The following KIAA1328 variants were observed in gnomAD, a reference collection of about 807,000 sequenced individuals.
KIAA1328 encodes the protein protein hinderin.
In KIAA1328, 52 loss-of-function variants were observed where a neutral mutation model predicts 68.1. That is an observed-to-expected ratio of 0.76 (90% CI 0.61 to 0.96). The LOEUF (loss-of-function observed/expected upper bound fraction) is 0.96, where lower values mean the gene tolerates loss of function less well. Ranked by LOEUF, KIAA1328 falls within the 40% of genes least tolerant of loss-of-function variation. The pLI is 0.00. For synonymous variants in KIAA1328, 232 were observed against 239.4 expected (o/e 0.97, Z 0.28); for missense variants, 641 against 677.6 (o/e 0.95, Z 0.60).
chr18:36,844,601 G>C (rs1378727763), intron 4 of KIAA1328, among the ~76,000 whole-genome samples: 1 of 151,926 alleles, frequency 6.6e-6, no homozygotes, highest in African/African-American at 2.4e-5. Flanking sequence ...GTTGAAGTAG[G>C]TTGATATTGT....
chr18:36,835,877 C>G (rs1323222876), intron 3 of KIAA1328, among the ~76,000 whole-genome samples: 2 of 152,084 alleles, frequency 1.3e-5, no homozygotes, highest in Admixed American at 1.3e-4. Flanking sequence ...CAGAGTTGTT[C>G]AATACCACTT....
downstream of KIAA1328, among the ~76,000 whole-genome samples, chr18:37,227,169 A>G (rs2586788): frequency 0.28 from 42,193 of 152,140 alleles, 9,398 homozygotes; most frequent in African/African-American, 0.62. Flanking sequence ...AGATGAAGTT[A>G]TAGATGAAAA....
chr18:37,210,639 C>T (rs2060298854), intron 9 of KIAA1328, among the ~76,000 whole-genome samples: 1 of 152,216 alleles, frequency 6.6e-6, no homozygotes, highest in Non-Finnish European at 1.5e-5. Context: ...ACTTTATAGT[C>T]TCCTATCACA....
At chr18:36,856,944 T>G (rs952302790) in intron 4 of KIAA1328, among the ~76,000 whole-genome samples, 2 of 152,210 alleles carry the variant, frequency 1.3e-5, no homozygotes, top group Non-Finnish European at 2.9e-5. Flanking sequence ...GTTATTTCAA[T>G]GTCAGCCAGT....
At chr18:36,841,647 A>G (rs974832317) in intron 3 of KIAA1328, among the ~76,000 whole-genome samples, 1 of 152,122 alleles carries the variant, frequency 6.6e-6, no homozygotes, top group Non-Finnish European at 1.5e-5. Flanking sequence ...AGGCTGTAAC[A>G]TCTGTCTCAA....
intron 6 of KIAA1328, among the ~76,000 whole-genome samples, chr18:36,983,037 A>G (rs2052760741): frequency 6.6e-6 from 1 of 152,000 alleles, no homozygotes; most frequent in Admixed American, 6.5e-5. Flanking sequence ...AAAAAAATTA[A>G]GAAAAGGTGG....
At chr18:37,230,195 T>C (rs1039539569), downstream of KIAA1328, 3 of 152,234 alleles carry the variant, frequency 2.0e-5, no homozygotes, top group African/African-American at 7.2e-5. Flanking sequence ...ACCAGGTCAT[T>C]ATATCATGTC....
rs147651578 is a variant in KIAA1328 at position 36,948,980 on chromosome 18, T to G, written c.449-10328T>G. Among the ~76,000 whole-genome samples the G allele has an allele frequency of 1.6e-3, 238 of 152,348 alleles. 1 individual carries two copies. In the South Asian group the frequency reaches 0.019, roughly 12 times the overall value. The stretch of plus-strand genomic sequence containing the variant: ...TCAGCCTTTTGGGGTCTGGAGAGCT[T>G]AGTGTGCAGACCATTTTCCATAGTC... On this transcript the variant is annotated intron_variant, in intron 5 of 9. Coordinates refer to ENST00000280020, the MANE Select transcript of KIAA1328 (RefSeq NM_020776.3).
At chr18:37,229,550 T>C (rs1308126771), downstream of KIAA1328, 1 of 1,274,786 alleles carries the variant, frequency 7.8e-7, no homozygotes. Flanking sequence ...ACTTCTTCCC[T>C]TCTCTTTCCT....
At chr18:37,193,686 C>T (rs2059950088) in intron 9 of KIAA1328, 1 of 700,684 alleles carries the variant, frequency 1.4e-6, no homozygotes. Context: ...ATGGAAGGAA[C>T]CTATTAAGGT....
intron 5 of KIAA1328, among the ~76,000 whole-genome samples, chr18:36,924,393 A>C (rs2050037551): frequency 6.6e-6 from 1 of 152,074 alleles, no homozygotes; most frequent in Non-Finnish European, 1.5e-5. Flanking sequence ...AGACATTTGA[A>C]TGCTATTTAG....
chr18:37,067,572 T>C (rs1479943829), intron 7 of KIAA1328, 27 bp downstream of exon 7: 1 of 1,459,068 alleles, frequency 6.9e-7, no homozygotes, highest in Non-Finnish European at 9.0e-7. Flanking sequence ...CTTTTTTTTT[T>C]TTTTTTGAGA....
chr18:37,156,509 T>A (rs1276119706), intron 7 of KIAA1328, among the ~76,000 whole-genome samples: 2 of 150,784 alleles, frequency 1.3e-5, no homozygotes, highest in Non-Finnish European at 2.9e-5. Flanking sequence ...ATAAAATAAG[T>A]CCTCTGTAAA....
chr18:36,899,367 A>G (rs912114012), intron 5 of KIAA1328, among the ~76,000 whole-genome samples: 1 of 151,948 alleles, frequency 6.6e-6, no homozygotes, highest in Non-Finnish European at 1.5e-5. Flanking sequence ...TCAGTAAATA[A>G]ATACATGTTA....
intron 5 of KIAA1328, among the ~76,000 whole-genome samples, chr18:36,956,832 G>A (rs1301935683): frequency 1.3e-5 from 2 of 152,194 alleles, no homozygotes; most frequent in African/African-American, 4.8e-5. Context: ...ATAGCTGGCA[G>A]AGACTCCTGG....
rs556681497 is a variant in KIAA1328, at chr18:37,121,968, T to C, written c.1233-38232T>C. Among the ~76,000 whole-genome samples the C allele has an allele frequency of 3.3e-5, 5 of 152,200 alleles. No homozygotes were observed. In the South Asian group the frequency reaches 1.0e-3, roughly 32 times the overall value. Reference sequence around the variant, plus strand: ...TTACAGAAAACTGAAACTGGTAGCCTCAAGGCTGAATCAGACTTACAGACA... The same window carrying C: ...TTACAGAAAACTGAAACTGGTAGCCCCAAGGCTGAATCAGACTTACAGACA... On this transcript the variant is annotated intron_variant, in intron 7 of 9. Coordinates refer to ENST00000280020, the MANE Select transcript of KIAA1328 (RefSeq NM_020776.3).
At chr18:37,141,036 T>A (rs1399091189) in intron 7 of KIAA1328, among the ~76,000 whole-genome samples, 3 of 152,176 alleles carry the variant, frequency 2.0e-5, no homozygotes, top group East Asian at 3.8e-4. Context: ...CTCAGTATAT[T>A]TAAAAGTTCT....
intron 7 of KIAA1328, among the ~76,000 whole-genome samples, chr18:37,097,967 T>A (rs988986124): frequency 6.6e-6 from 1 of 152,162 alleles, no homozygotes; most frequent in Non-Finnish European, 1.5e-5. Flanking sequence ...CTTAAGGAGA[T>A]TTTGGGCTGA....
At chr18:36,872,366 C>A (rs555720922) in intron 4 of KIAA1328, among the ~76,000 whole-genome samples, 1 of 152,106 alleles carries the variant, frequency 6.6e-6, no homozygotes, top group East Asian at 1.9e-4. Flanking sequence ...TAACAAGTAT[C>A]TAGTAAAAGT....
Sources: gnomAD v4.1 joint callset for allele counts (sites outside exome capture counted in the v4.1 genomes callset) on GRCh38, gnomAD v4.1.1 for gene constraint, MANE v1.5 for transcripts, NCBI Gene and HGNC (gene_info 2026-07-23, HGNC 2026-07-21) for gene names.